The following XPO6 variants were observed in gnomAD, a reference collection of about 807,000 sequenced individuals.
XPO6 encodes the protein exportin-6.
In XPO6, 3 loss-of-function variants were observed where a neutral mutation model predicts 130.0. That is an observed-to-expected ratio of 0.02 (90% CI 0.01 to 0.06). XPO6 has a LOEUF of 0.06. XPO6 is among the 10% of genes least tolerant of loss of function. The pLI, the probability that XPO6 is intolerant of heterozygous loss-of-function variation, is 1.00. For synonymous variants in XPO6, 524 were observed against 548.9 expected (o/e 0.95, Z 0.63); for missense variants, 970 against 1,393.0 (o/e 0.70, Z 4.83).
intron 8 of XPO6, among the ~76,000 whole-genome samples, chr16:28,149,780 G>A (rs770920603): frequency 3.3e-5 from 5 of 152,080 alleles, no homozygotes; most frequent in Non-Finnish European, 5.9e-5. Flanking sequence ...ATTAAGGGAC[G>A]CAACACACGA....
chr16:28,154,313 A>T, intron 7 of XPO6: 1 of 972,416 alleles, frequency 1.0e-6, no homozygotes, highest in Non-Finnish European at 1.2e-6. Context: ...TCTCAATTTT[A>T]CTTTAGTATC....
rs768205508 is a variant in XPO6, at chr16:28,101,078, C to T, written c.3276+380G>A. The T allele has an allele frequency of 1.4e-4, 48 of 331,220 alleles. No individual in the cohort carries two copies. Among genetic ancestry groups the T allele is most frequent in the Non-Finnish European group, 2.4e-4 (41 of 170,234 alleles). The allele number at this position is 331,220 out of a possible 1,614,324, so 20.5% of individuals were successfully genotyped here. ...AGAAGTGCAGCTCCCAAGCACCAAC[C>T]ATCTCAGCCTGAATGCAAGCCTGGG... On this transcript the variant is annotated intron_variant, in intron 23 of 23. Coordinates refer to ENST00000304658, the MANE Select transcript of XPO6 (RefSeq NM_015171.4). This position sits in a 1 kb window ranked among gnomAD's most constrained non-coding sequence, Gnocchi z 5.4.
At chr16:28,201,539 T>C (rs1393572223) in intron 1 of XPO6, among the ~76,000 whole-genome samples, 2 of 152,212 alleles carry the variant, frequency 1.3e-5, no homozygotes, top group African/African-American at 4.8e-5. Flanking sequence ...TTGAAACTTC[T>C]GAACTGTCTG....
chr16:28,173,400 C>T (rs1306897842), intron 4 of XPO6, among the ~76,000 whole-genome samples: 2 of 152,012 alleles, frequency 1.3e-5, no homozygotes, highest in African/African-American at 4.8e-5. Flanking sequence ...TCTCATTTTA[C>T]AAAGAAAGAA....
chr16:28,208,791 C>T (rs955124622), intron 1 of XPO6, among the ~76,000 whole-genome samples: 1 of 152,150 alleles, frequency 6.6e-6, no homozygotes, highest in Admixed American at 6.5e-5. Flanking sequence ...TGTAAGTTTC[C>T]CAAGGGGAGG....
chr16:28,098,692 C>T, intron 23 of XPO6, 53 bp from the exon 24 acceptor site: 1 of 1,386,402 alleles, frequency 7.2e-7, no homozygotes, highest in Non-Finnish European at 1.0e-6. Flanking sequence ...CACCCACCCA[C>T]CAGACCCCAA....
chr16:28,153,725 A>C (rs1398505119), intron 7 of XPO6: 1 of 985,434 alleles, frequency 1.0e-6, no homozygotes, highest in Non-Finnish European at 1.2e-6. Context: ...CCAACACAAA[A>C]AGGTAAAGAC....
At chr16:28,111,762 A>G in intron 17 of XPO6, 55 bp downstream of exon 17, 1 of 1,580,778 alleles carries the variant, frequency 6.3e-7, no homozygotes, top group Non-Finnish European at 8.6e-7. Flanking sequence ...TCTGCCACAA[A>G]GAACAATGCC....
chr16:28,105,913 G>T (rs549520405), intron 20 of XPO6, 130 bp downstream of exon 20: 3 of 1,396,110 alleles, frequency 2.1e-6, no homozygotes, highest in Non-Finnish European at 9.7e-7. Flanking sequence ...TCTTCCTTGG[G>T]AGAAACTACT....
In XPO6 at chr16:28,106,091, G is replaced by A. The variant is rs931487445; in HGVS notation, c.2736C>T (p.Pro912=). 2 of 1,614,210 alleles carry A rather than the reference G, an allele frequency of 1.2e-6. No homozygotes were observed. The highest frequency in any genetic ancestry group is 1.7e-6 in the Non-Finnish European group (2 of 1,180,034). Residue 912 remains proline (P), a synonymous_variant, in exon 20 of 24, where the codon CCC becomes CCT. Coordinates refer to ENST00000304658, the MANE Select transcript of XPO6 (RefSeq NM_015171.4). The surrounding 1 kb of genome is among the most constrained non-coding windows in gnomAD (Gnocchi z 4.2). ...EPGQVFKPFL[P]SIIALCMEQV... is the part of the protein sequence containing the mutation. Reference sequence around the variant, plus strand: ...GCTCCATGCACAGGGCGATGATGCTGGGGAGGAAGGGCTTGAACACCTGGC... The same window carrying A: ...GCTCCATGCACAGGGCGATGATGCTAGGGAGGAAGGGCTTGAACACCTGGC...
chr16:28,181,742 C>T (rs921446515), intron 1 of XPO6, among the ~76,000 whole-genome samples: 1 of 152,108 alleles, frequency 6.6e-6, no homozygotes, highest in Non-Finnish European at 1.5e-5. Flanking sequence ...CTCAATCTCA[C>T]GTGAGCAGCC....
intron 23 of XPO6, 120 bp from the exon 24 acceptor site, chr16:28,098,759 A>G: frequency 1.5e-6 from 1 of 655,742 alleles, no homozygotes; most frequent in Non-Finnish European, 2.5e-6. Flanking sequence ...TCTAAAACTC[A>G]AAACTTCTAT....
Position 28,098,356 on chromosome 16 carries a change from C to T in XPO6, c.*182G>A, listed in dbSNP as rs1385936782. The T allele has an allele frequency of 1.2e-5, 7 of 576,448 alleles. No homozygotes were observed. The highest frequency in any genetic ancestry group is 3.0e-5 in the East Asian group (1 of 33,566). 35.7% of individuals were successfully genotyped at this position (576,448 alleles called of 1,614,324 possible). ...AGCACCGTCCAGTGCTCAGGTGGAC[C>T]CAGAAGCCAGCTCTGCTGGGCAGCG... is the stretch of plus-strand genomic sequence containing the variant. On this transcript the variant is annotated 3_prime_UTR_variant, in exon 24 of 24. Coordinates refer to ENST00000304658, the MANE Select transcript of XPO6 (RefSeq NM_015171.4).
chr16:28,107,289 T>G (rs1478401586), intron 18 of XPO6, among the ~76,000 whole-genome samples: 3 of 152,196 alleles, frequency 2.0e-5, no homozygotes, highest in Non-Finnish European at 4.4e-5. Flanking sequence ...CTCTCTTGCC[T>G]TCTCTTGTAG....
chr16:28,206,427 G>T (rs1377425187), intron 1 of XPO6, among the ~76,000 whole-genome samples: 1 of 152,080 alleles, frequency 6.6e-6, no homozygotes, highest in Non-Finnish European at 1.5e-5. Context: ...TGGGCCTGTA[G>T]TCTCAGCTAC....
In XPO6 at chr16:28,152,971, C is replaced by T. The variant is rs1430183734; in HGVS notation, c.1098-186G>A. 3.9e-6 allele frequency: 5 copies of T among 1,275,022 alleles called. No individual in the cohort carries two copies. The South Asian group carries it at 9.7e-5, about 25-fold the overall frequency. The allele number at this position is 1,275,022 out of a possible 1,614,324, so 79.0% of individuals were successfully genotyped here. A position where few individuals can be genotyped will look rare whatever the true frequency, so the allele number is the denominator to read the frequency against. On this transcript the variant is annotated intron_variant, in intron 7 of 23. Coordinates refer to ENST00000304658, the MANE Select transcript of XPO6 (RefSeq NM_015171.4). ...CCTTCATTCCATTAACCACCTGAAA[C>T]ATAGCAGAAAAGCAACTTTAATCCT... is the stretch of plus-strand genomic sequence containing the variant.
At chr16:28,172,002 ATTTGGC>A (rs1464105803) in intron 4 of XPO6, among the ~76,000 whole-genome samples, 1 of 152,080 alleles carries the variant, frequency 6.6e-6, no homozygotes, top group Non-Finnish European at 1.5e-5. Context: ...CAAATATCCC[ATTTGGC>A]AATATACACC....
At chr16:28,160,781 TTCTA>T (rs1339495083) in intron 6 of XPO6, among the ~76,000 whole-genome samples, 27 of 152,322 alleles carry the variant, frequency 1.8e-4, no homozygotes, top group African/African-American at 6.3e-4. Context: ...GGAGCATTAC[TTCTA>T]TTGATATTTG....
intron 1 of XPO6, among the ~76,000 whole-genome samples, chr16:28,186,762 C>A (rs1297012163): frequency 6.6e-6 from 1 of 151,814 alleles, no homozygotes; most frequent in Non-Finnish European, 1.5e-5. Flanking sequence ...GCCTCAAACC[C>A]CTGGGCTCAG....
Sources: allele counts gnomAD v4.1 joint callset (sites outside exome capture counted in the v4.1 genomes callset), GRCh38; gene constraint gnomAD v4.1.1; non-coding constraint Gnocchi (gnomAD v3.1); transcripts MANE v1.5; gene names NCBI Gene and HGNC (gene_info 2026-07-23, HGNC 2026-07-21).